Variants in EXTL2 observed in about 807,000 individuals in gnomAD.
The protein encoded by EXTL2 is exostosin-like 2.
Under a neutral mutation model 30.7 loss-of-function variants are expected in EXTL2, and 23 were observed. That is an observed-to-expected ratio of 0.75 (90% CI 0.54 to 1.06). The LOEUF is 1.06. EXTL2 is among the 50% of genes least tolerant of loss of function. EXTL2 has a pLI of 0.00. For synonymous variants in EXTL2, 123 were observed against 133.8 expected (o/e 0.92, Z 0.56); for missense variants, 352 against 396.3 (o/e 0.89, Z 0.95).
At chr1:100,885,310 C>T (rs367729761) in intron 2 of EXTL2, among the ~76,000 whole-genome samples, 55 of 152,288 alleles carry the variant, frequency 3.6e-4, no homozygotes, top group East Asian at 2.5e-3. Context: ...AGCTGATTTG[C>T]CTTGGGGGGA....
chr1:100,892,118 T>C (rs2100978062), intron 1 of EXTL2, among the ~76,000 whole-genome samples: 1 of 152,326 alleles, frequency 6.6e-6, no homozygotes, highest in South Asian at 2.1e-4. Context: ...AATTAAAAGA[T>C]GCAAAGTATT....
chr1:100,884,556 G>A (rs984617274), intron 2 of EXTL2, among the ~76,000 whole-genome samples: 1 of 152,200 alleles, frequency 6.6e-6, no homozygotes, highest in Non-Finnish European at 1.5e-5. Flanking sequence ...AGGCGCATGT[G>A]GTGCCAAATT....
Position 100,877,991 on chromosome 1 carries a change from C to A in EXTL2, c.6-88G>T. ...GTTTTTTTCCAATGAGGAAAGATAT[C>A]AATCTTATTTTAGTTGATTCAAATT... On this transcript the variant is annotated intron_variant, in intron 2 of 4. Transcript: ENST00000370114. This position sits in a 1 kb window ranked among gnomAD's most constrained non-coding sequence, Gnocchi z 4.1. 1.0e-6 allele frequency: 1 copy of A among 1,002,858 alleles called. No homozygotes were observed. The highest frequency in any genetic ancestry group is 1.7e-5 in the South Asian group (1 of 59,914). The allele number at this position is 1,002,858 out of a possible 1,614,324, so 62.1% of individuals were successfully genotyped here. A position where few individuals can be genotyped will look rare whatever the true frequency, so the allele number is the denominator to read the frequency against.
rs1229448807 is a variant in EXTL2 at position 100,873,313 on chromosome 1, T to C, written c.*629A>G. The C allele has an allele frequency of 6.6e-6, 1 of 152,104 alleles. No individual in the cohort carries two copies. The highest frequency in any genetic ancestry group is 1.9e-4 in the East Asian group (1 of 5,176). The allele number at this position is 152,104 out of a possible 1,614,324, so 9.4% of individuals were successfully genotyped here. A position where few individuals can be genotyped will look rare whatever the true frequency, so the allele number is the denominator to read the frequency against. ...AAATATCAAGCAAACAACTAGACGTTCTTCAGCTACTAAAATTAACTGTCC... is the reference window on the plus strand; with the variant it reads ...AAATATCAAGCAAACAACTAGACGTCCTTCAGCTACTAAAATTAACTGTCC... On this transcript the variant is annotated 3_prime_UTR_variant, in exon 5 of 5. Transcript: ENST00000370114.
chr1:100,895,165 G>A (rs1045355104), upstream of EXTL2: 1 of 152,296 alleles, frequency 6.6e-6, no homozygotes, highest in African/African-American at 2.4e-5. Flanking sequence ...AACTGGCCTG[G>A]AGGTTCTGAC....
chr1:100,877,429 C>G lies in EXTL2; in HGVS notation c.433+47G>C, dbSNP rs752553099. The G allele has an allele frequency of 6.7e-7, 1 of 1,482,716 alleles. No individual in the cohort carries two copies. Among genetic ancestry groups the G allele is most frequent in the Admixed American group, 2.2e-5 (1 of 46,104 alleles). 91.8% of individuals were successfully genotyped at this position (1,482,716 alleles called of 1,614,324 possible). ...AGAAATTCACATGTCTGTCCCAGCT[C>G]TGGACAGCGGCAGCCTTTCCAGGCT... On this transcript the variant is annotated intron_variant, in intron 3 of 4. Coordinates refer to ENST00000370114, the MANE Select transcript of EXTL2 (RefSeq NM_001033025.3). This position sits in a 1 kb window ranked among gnomAD's most constrained non-coding sequence, Gnocchi z 4.1.
chr1:100,888,344 C>G (rs1255385608), intron 2 of EXTL2: 1 of 156,668 alleles, frequency 6.4e-6, no homozygotes, highest in East Asian at 1.9e-4. Context: ...ATATGATACA[C>G]AGGTACAAAA....
chr1:100,876,004 G>A (rs1022829111), intron 4 of EXTL2, among the ~76,000 whole-genome samples: 21 of 152,016 alleles, frequency 1.4e-4, no homozygotes, highest in Non-Finnish European at 2.5e-4. Flanking sequence ...TAAAAATGCT[G>A]ATATCTGCTG....
At position 100,874,001 on chromosome 1, in the gene EXTL2, A is replaced by C. The variant is rs1237939878; in HGVS notation, c.934T>G (p.Ser312Ala). 6.3e-7 allele frequency: 1 copy of C among 1,598,258 alleles called. No individual in the cohort carries two copies. The highest frequency in any genetic ancestry group is 1.4e-5 in the African/African-American group (1 of 73,902). The part of the protein sequence containing the change: ...NIYDSMPLRY[S>A]NIMISQFGFP... The stretch of plus-strand genomic sequence containing the variant: ...CCAAACTGGGAAATCATAATGTTGG[A>C]GTATCTTAAGGGCATGCTATCATAG... Residue 312 changes from serine (S) to alanine (A), a missense_variant, in exon 5 of 5, where the codon TCC becomes GCC. Transcript: ENST00000370114.
At chr1:100,875,230 G>GACACAC (rs10547668) in intron 4 of EXTL2, among the ~76,000 whole-genome samples, 14,336 of 149,318 alleles carry the variant, frequency 0.096, 790 homozygotes, top group Non-Finnish European at 0.13. Context: ...CAGAACTAGG[G>GACACAC]ACACACACAC....
chr1:100,877,847 A>C lies in EXTL2; in HGVS notation c.62T>G (p.Leu21Ter). 6.2e-7 allele frequency: 1 copy of C among 1,601,022 alleles called. No homozygotes were observed. The highest frequency in any genetic ancestry group is 1.7e-5 in the Admixed American group (1 of 59,884). The part of the protein sequence containing the change: ...GRVMGIRVLR[L>*]SLVVILVLLL... ...TAATACGAGGATGACCACCAAAGATAATCGAAGCACTCGAATCCCCATTAC... is the reference window on the plus strand; with the variant it reads ...TAATACGAGGATGACCACCAAAGATCATCGAAGCACTCGAATCCCCATTAC... Residue 21 changes from leucine to a stop codon, truncating the protein, a stop_gained, in exon 3 of 5, where the codon TTA (leucine) becomes TGA (stop). Transcript: ENST00000370114. LOFTEE classifies it high-confidence loss of function. This position sits in a 1 kb window ranked among gnomAD's most constrained non-coding sequence, Gnocchi z 4.1.
chr1:100,878,099 T>G (rs748439191), intron 2 of EXTL2, among the ~76,000 whole-genome samples, 196 bp from the exon 3 acceptor site: 10 of 152,158 alleles, frequency 6.6e-5, no homozygotes, highest in Non-Finnish European at 1.3e-4. Flanking sequence ...CTTCTTGCCC[T>G]GCTTGTTACG....
At chr1:100,881,104 A>G in intron 2 of EXTL2, 1 of 842,830 alleles carries the variant, frequency 1.2e-6, no homozygotes, top group Non-Finnish European at 1.4e-6. Context: ...TTAGAAACAT[A>G]GTGTAAATAT....
In EXTL2 at chr1:100,873,092, T is replaced by G. The variant is rs1420909791; in HGVS notation, c.*850A>C. On this transcript the variant is annotated 3_prime_UTR_variant, in exon 5 of 5. Coordinates refer to ENST00000370114, the MANE Select transcript of EXTL2 (RefSeq NM_001033025.3). ...ACTTCTGCCAGTTCTTACTCATTTT[T>G]TTCAGGTTTTTTATACATTTCTTAA... 1 of 152,082 alleles carries G rather than the reference T, an allele frequency of 6.6e-6. No homozygotes were observed. The highest frequency in any genetic ancestry group is 2.4e-5 in the African/African-American group (1 of 41,426). The allele number at this position is 152,082 out of a possible 1,614,324, so 9.4% of individuals were successfully genotyped here. A position where few individuals can be genotyped will look rare whatever the true frequency, so the allele number is the denominator to read the frequency against.
chr1:100,887,989 C>T (rs776906072), intron 2 of EXTL2, among the ~76,000 whole-genome samples: 63 of 152,322 alleles, frequency 4.1e-4, no homozygotes, highest in African/African-American at 1.4e-3. Context: ...TGAGCCACCG[C>T]GCCCTGCCCG....
Position 100,894,818 on chromosome 1 carries a change from C to CT in EXTL2, c.-258dup, listed in dbSNP as rs1650754040. 1.3e-5 allele frequency: 2 copies of CT among 152,184 alleles called. No individual in the cohort carries two copies. The highest frequency in any genetic ancestry group is 1.3e-4 in the Admixed American group (2 of 15,292). 9.4% of individuals were successfully genotyped at this position (152,184 alleles called of 1,614,324 possible). On this transcript the variant is annotated 5_prime_UTR_variant, in exon 1 of 5. Coordinates refer to ENST00000370114, the MANE Select transcript of EXTL2 (RefSeq NM_001033025.3). Reference sequence around the variant, plus strand: ...AAAGTGCCGCCCGCAAAGTGAGCGCCTGGAGCAAGGGACAGTCCCCGAGTG... The same window carrying CT: ...AAAGTGCCGCCCGCAAAGTGAGCGCCTTGGAGCAAGGGACAGTCCCCGAGTG...
At chr1:100,891,384 AAAAG>A (rs1650412206) in intron 1 of EXTL2, among the ~76,000 whole-genome samples, 1 of 152,238 alleles carries the variant, frequency 6.6e-6, no homozygotes, top group Non-Finnish European at 1.5e-5. Flanking sequence ...GGAATTGCAA[AAAAG>A]AAAGAGTAAT....
intron 2 of EXTL2, among the ~76,000 whole-genome samples, chr1:100,882,949 C>T (rs543252769): frequency 1.3e-5 from 2 of 152,328 alleles, no homozygotes; most frequent in East Asian, 3.9e-4. Flanking sequence ...CTTCAGGGTC[C>T]TCCTTAGCCA....
intron 1 of EXTL2, among the ~76,000 whole-genome samples, chr1:100,893,622 G>C (rs1650602434): frequency 6.6e-6 from 1 of 152,180 alleles, no homozygotes; most frequent in Non-Finnish European, 1.5e-5. Context: ...AATTTGATAT[G>C]ACAACAAAGA....
Sources: allele counts gnomAD v4.1 joint callset (sites outside exome capture counted in the v4.1 genomes callset), GRCh38; gene constraint gnomAD v4.1.1; non-coding constraint Gnocchi (gnomAD v3.1); transcripts MANE v1.5; gene names NCBI Gene and HGNC (gene_info 2026-07-23, HGNC 2026-07-21).